Variants in DYNC2I2 observed in about 807,000 individuals in gnomAD.
DYNC2I2 encodes the protein cytoplasmic dynein 2 intermediate chain 2.
In DYNC2I2, 39 loss-of-function variants were observed where a neutral mutation model predicts 52.0. The observed-to-expected ratio is 0.75, with a 90% confidence interval of 0.58 to 0.98. The LOEUF (loss-of-function observed/expected upper bound fraction) is 0.98. Among genes scored for constraint, DYNC2I2 ranks in the 50% least tolerant of loss-of-function variants. The pLI, the probability that DYNC2I2 is intolerant of heterozygous loss-of-function variation, is 0.00. For synonymous variants in DYNC2I2, 359 were observed against 321.1 expected, an observed-to-expected ratio of 1.12 and a Z score of -1.26; for missense variants, 743 against 728.4, an observed-to-expected ratio of 1.02 and a Z score of -0.23.
chr9:128,635,892 G>A (rs1860399708), intron 4 of DYNC2I2, 125 bp from the exon 5 acceptor site: 1 of 876,052 alleles, frequency 1.1e-6, no homozygotes, highest in African/African-American at 1.7e-5. Context: ...CACTTGGCTG[G>A]AAGTCATCCC....
At chr9:128,674,858 G>A in the DYNC2I2 span, among the ~76,000 whole-genome samples, 3 of 152,136 alleles carry the variant, frequency 2.0e-5, no homozygotes, top group South Asian at 2.1e-4. Flanking sequence ...TGATTCAGGC[G>A]TGAGCCACCA....
intron 2 of DYNC2I2, among the ~76,000 whole-genome samples, chr9:128,639,265 G>A (rs1860466995): frequency 2.0e-5 from 3 of 152,070 alleles, no homozygotes; most frequent in South Asian, 4.2e-4. Context: ...GGGCGTGGTG[G>A]CGGGTGCCTG....
At position 128,656,730 on chromosome 9, in the gene DYNC2I2, G is replaced by A; in HGVS notation, c.-4C>T. On this transcript the variant is annotated 5_prime_UTR_variant, in exon 1 of 9. Transcript: ENST00000372715. ...CCGGCTGCGCGCGGGTTGCCATGGAGACGGTTCCGCCCTCTCGTGCGGACG... is the reference window on the plus strand; with the variant it reads ...CCGGCTGCGCGCGGGTTGCCATGGAAACGGTTCCGCCCTCTCGTGCGGACG... 3.6e-6 allele frequency: 5 copies of A among 1,403,652 alleles called. No individual in the cohort carries two copies. Among genetic ancestry groups the A allele is most frequent in the Non-Finnish European group, 4.6e-6 (5 of 1,084,656 alleles). The allele number at this position is 1,403,652 out of a possible 1,614,324, so 86.9% of individuals were successfully genotyped here.
chr9:128,645,129 T>C (rs1388797660), intron 1 of DYNC2I2, among the ~76,000 whole-genome samples: 1 of 150,866 alleles, frequency 6.6e-6, no homozygotes, highest in Admixed American at 6.6e-5. Context: ...GGCGGGCAGA[T>C]CACCTGAGCT....
the DYNC2I2 span, among the ~76,000 whole-genome samples, chr9:128,672,291 G>A: frequency 2.0e-5 from 3 of 151,898 alleles, no homozygotes; most frequent in African/African-American, 7.3e-5. Context: ...TTTTAGTAGA[G>A]ACAGGGTTTC....
intron 2 of DYNC2I2, among the ~76,000 whole-genome samples, 179 bp from the exon 3 acceptor site, chr9:128,637,206 GA>G (rs1250789396): frequency 6.6e-6 from 1 of 152,210 alleles, no homozygotes; most frequent in Non-Finnish European, 1.5e-5. Flanking sequence ...AATGCTTCCA[GA>G]AGCCCAGAAG....
chr9:128,638,800 A>G (rs1020797311), intron 2 of DYNC2I2, among the ~76,000 whole-genome samples: 1 of 152,230 alleles, frequency 6.6e-6, no homozygotes, highest in African/African-American at 2.4e-5. Flanking sequence ...CCAAATGTCC[A>G]TTAGCTGATG....
Position 128,635,244 on chromosome 9 carries a change from C to G in DYNC2I2, c.829G>C (p.Glu277Gln), listed in dbSNP as rs373096963. 1 of 1,612,110 alleles carries G rather than the reference C, an allele frequency of 6.2e-7. No individual in the cohort carries two copies. The highest frequency in any genetic ancestry group is 8.5e-7 in the Non-Finnish European group (1 of 1,179,762). ...DPVSQVVWLP[E>Q]PGHSHRFQVL... is the part of the protein sequence containing the mutation. ...TGGAAGCGGTGGCTGTGCCCAGGCT[C>G]GGGCAGCCACACCACCTGAGTTAAC... The change falls in exon 6 of 9, where the codon GAG becomes CAG. Residue 277 changes from glutamate to glutamine, a missense_variant. By Grantham distance (29) the Glu-to-Gln change is conservative. Coordinates refer to ENST00000372715, the MANE Select transcript of DYNC2I2 (RefSeq NM_052844.4).
the DYNC2I2 span, among the ~76,000 whole-genome samples, chr9:128,672,385 G>T: frequency 1.4e-4 from 21 of 151,982 alleles, 1 homozygote; most frequent in East Asian, 3.9e-3. Context: ...GTAGAAACGG[G>T]GTTTCCCCAT....
chr9:128,672,953 G>A, the DYNC2I2 span, among the ~76,000 whole-genome samples: 1 of 152,154 alleles, frequency 6.6e-6, no homozygotes, highest in Non-Finnish European at 1.5e-5. Context: ...GAACCCGGGA[G>A]GCGGAGCTTG....
Position 128,635,735 on chromosome 9 carries a change from C to T in DYNC2I2, c.736G>A (p.Asp246Asn), listed in dbSNP as rs754680187. 2 of 1,613,116 alleles carry T rather than the reference C, an allele frequency of 1.2e-6. No individual in the cohort carries two copies. The highest frequency in any genetic ancestry group is 1.7e-6 in the Non-Finnish European group (2 of 1,179,586). Residue 246 changes from aspartate (D) to asparagine (N), a missense_variant, in exon 5 of 9, where the codon GAC (aspartate) becomes AAC (asparagine). Physicochemically the swap from Asp to Asn is conservative, Grantham distance 23 (BLOSUM62 1). Transcript: ENST00000372715. ...AGCGGGTCCTCAAGACGGCTCAGGT[C>T]CCACACCAACACCTCACCACTGTAC... is the stretch of plus-strand genomic sequence containing the variant. ...GLYSGEVLVW[D>N]LSRLEDPLLW... is the part of the protein sequence containing the mutation.
the DYNC2I2 span, among the ~76,000 whole-genome samples, chr9:128,664,928 A>C: frequency 6.6e-6 from 1 of 151,968 alleles, no homozygotes; most frequent in Non-Finnish European, 1.5e-5. Context: ...GTTCAAGACC[A>C]GCCTGGGCAA....
chr9:128,674,235 A>C, the DYNC2I2 span, among the ~76,000 whole-genome samples: 1 of 151,810 alleles, frequency 6.6e-6, no homozygotes, highest in Non-Finnish European at 1.5e-5. Context: ...TCCTGGGTTT[A>C]TACCATCTAC....
At chr9:128,663,679 G>GTATC in the DYNC2I2 span, 2 of 122,270 alleles carry the variant, frequency 1.6e-5, no homozygotes, top group Non-Finnish European at 3.3e-5. Context: ...TTGAGACAGG[G>GTATC]TATCACTCTT....
the DYNC2I2 span, among the ~76,000 whole-genome samples, chr9:128,679,362 G>A: frequency 9.9e-5 from 15 of 152,180 alleles, no homozygotes; most frequent in Non-Finnish European, 2.1e-4. Context: ...GGACATGGGT[G>A]ATGGTGGCAC....
chr9:128,655,988 G>A (rs1247420961), intron 1 of DYNC2I2, among the ~76,000 whole-genome samples: 3 of 150,542 alleles, frequency 2.0e-5, no homozygotes, highest in Non-Finnish European at 2.9e-5. Context: ...AAGGAGGACA[G>A]CTTAAGCCCA....
upstream of DYNC2I2, among the ~76,000 whole-genome samples, chr9:128,659,509 AAAC>A (rs1392716252): frequency 6.6e-6 from 1 of 151,142 alleles, no homozygotes; most frequent in African/African-American, 2.4e-5. Context: ...AAAAAAAAAA[AAAC>A]ACACACACAA....
chr9:128,655,908 CAAAA>C (rs538687665), intron 1 of DYNC2I2, among the ~76,000 whole-genome samples: 1 of 41,104 alleles, frequency 2.4e-5, no homozygotes. Context: ...GAGACTGTCT[CAAAA>C]AAAAAAAAAA....
chr9:128,634,697 G>A lies in DYNC2I2; in HGVS notation c.1206C>T (p.Pro402=). ...AGGCCTGCCCTACGTACCTGTGGAA[G>A]GGGGAACAGCTCACAGAGTAGATGG... The part of the protein sequence containing the change: ...GGPIYSVSCS[P]FHRNLFLSAG... Residue 402 remains proline (P), a synonymous_variant, in exon 7 of 9, where the codon CCC becomes CCT. Transcript: ENST00000372715. The A allele has an allele frequency of 6.4e-7, 1 of 1,566,554 alleles. No homozygotes were observed. Among genetic ancestry groups the A allele is most frequent in the Non-Finnish European group, 8.7e-7 (1 of 1,155,220 alleles).
Sources: gnomAD v4.1 joint callset for allele counts (sites outside exome capture counted in the v4.1 genomes callset) on GRCh38, gnomAD v4.1.1 for gene constraint, MANE v1.5 for transcripts, NCBI Gene and HGNC (gene_info 2026-07-23, HGNC 2026-07-21) for gene names.